Variants in NUDT3 observed in about 807,000 individuals in gnomAD.
NUDT3 encodes the protein diphosphoinositol polyphosphate phosphohydrolase 1.
In NUDT3, 9 loss-of-function variants were observed where a neutral mutation model predicts 23.6. The ratio of observed to expected loss-of-function variants is 0.38; its 90% CI spans 0.23 to 0.66. NUDT3 has a LOEUF of 0.66. Ranked by LOEUF, NUDT3 falls within the 30% of genes least tolerant of loss-of-function variation. The pLI, the probability that NUDT3 is intolerant of heterozygous loss-of-function variation, is 0.52. For synonymous variants in NUDT3, 86 were observed against 82.6 expected (o/e 1.04, Z -0.22); for missense variants, 172 against 218.5 (o/e 0.79, Z 1.34).
intron 2 of NUDT3, among the ~76,000 whole-genome samples, chr6:34,331,293 T>C (rs1255868003): frequency 2.2e-4 from 33 of 152,038 alleles, no homozygotes; most frequent in South Asian, 2.1e-4. Context: ...ACTTTCTTTT[T>C]TTTTTTTTTT....
At chr6:34,392,212 C>T (rs999142245) in intron 1 of NUDT3, 52 bp downstream of exon 1, 267 of 1,468,220 alleles carry the variant, frequency 1.8e-4, no homozygotes, top group Non-Finnish European at 2.3e-4. Context: ...GCGCCTCCAC[C>T]CGAAGGGGCC....
In NUDT3 at chr6:34,295,627, T is replaced by G. The variant is rs753112547; in HGVS notation, c.255+14A>C. The G allele has an allele frequency of 1.2e-6, 2 of 1,613,800 alleles. No individual in the cohort carries two copies. The highest frequency in any genetic ancestry group is 2.7e-5 in the African/African-American group (2 of 75,016). ...AATACATATCATTTGTACCAAAGAT[T>G]TTAACAGACTTACCTCAAAAATTCC... On this transcript the variant is annotated intron_variant, in intron 3 of 4. Coordinates refer to ENST00000607016, the MANE Select transcript of NUDT3 (RefSeq NM_006703.4).
At chr6:34,376,950 C>T (rs1430550939) in intron 1 of NUDT3, among the ~76,000 whole-genome samples, 1 of 152,134 alleles carries the variant, frequency 6.6e-6, no homozygotes, top group African/African-American at 2.4e-5. Context: ...CTCTGGCATG[C>T]AACAAACTCA....
chr6:34,369,058 T>C (rs1764787414), intron 1 of NUDT3, among the ~76,000 whole-genome samples: 1 of 152,198 alleles, frequency 6.6e-6, no homozygotes, highest in Non-Finnish European at 1.5e-5. Flanking sequence ...TCTATACTGT[T>C]TATTGGGTAC....
rs537483334 is a variant in NUDT3 at position 34,380,547 on chromosome 6, T to C, written c.99+11717A>G. On this transcript the variant is annotated intron_variant, in intron 1 of 4. Coordinates refer to ENST00000607016, the MANE Select transcript of NUDT3 (RefSeq NM_006703.4). ...TACTAATTTTTAGTGGTATATAGCA[T>C]CCATACCATGAAATGAAAAGTAGAT... Among the ~76,000 whole-genome samples, 6 of 152,264 alleles carry C rather than the reference T, an allele frequency of 3.9e-5. No homozygotes were observed. The South Asian group carries it at 1.2e-3, about 32-fold the overall frequency.
chr6:34,297,730 A>AATATAT (rs139306311), intron 2 of NUDT3, among the ~76,000 whole-genome samples: 21 of 71,980 alleles, frequency 2.9e-4, no homozygotes, highest in South Asian at 4.9e-4. Flanking sequence ...AAAAAAAAAA[A>AATATAT]ATATATATAT....
chr6:34,297,760 A>ATATATATATGTTTTTTT, intron 2 of NUDT3, among the ~76,000 whole-genome samples: 1 of 53,628 alleles, frequency 1.9e-5, no homozygotes, highest in South Asian at 6.7e-4. Flanking sequence ...TATATATATA[A>ATATATATATGTTTTTTT]TTTTTTTTTT....
chr6:34,305,229 G>A (rs1446567850), intron 2 of NUDT3, among the ~76,000 whole-genome samples: 3 of 151,956 alleles, frequency 2.0e-5, no homozygotes, highest in Non-Finnish European at 1.5e-5. Flanking sequence ...TGATCCACTC[G>A]CCTTGGCCTC....
At chr6:34,334,706 T>C (rs940656847) in intron 2 of NUDT3, among the ~76,000 whole-genome samples, 9 of 151,836 alleles carry the variant, frequency 5.9e-5, no homozygotes, top group African/African-American at 2.2e-4. Context: ...TTTGGGAAGC[T>C]GAGGGAGGAG....
chr6:34,370,085 T>C (rs1362405683), intron 1 of NUDT3, among the ~76,000 whole-genome samples: 1 of 152,212 alleles, frequency 6.6e-6, no homozygotes, highest in Non-Finnish European at 1.5e-5. Flanking sequence ...CCTCAAATAA[T>C]ATGGCAAGTT....
At chr6:34,366,051 T>TATAA (rs1240468615) in intron 1 of NUDT3, among the ~76,000 whole-genome samples, 2 of 150,272 alleles carry the variant, frequency 1.3e-5, no homozygotes, top group African/African-American at 2.4e-5. Context: ...AAAAAATATA[T>TATAA]ATAAATAAAT....
At chr6:34,329,344 G>A (rs569184904) in intron 2 of NUDT3, among the ~76,000 whole-genome samples, 1 of 152,218 alleles carries the variant, frequency 6.6e-6, no homozygotes, top group African/African-American at 2.4e-5. Flanking sequence ...GCAATGGCGC[G>A]ATCTCAGCTC....
intron 2 of NUDT3, among the ~76,000 whole-genome samples, chr6:34,338,721 C>T (rs948617669): frequency 6.6e-6 from 1 of 152,212 alleles, no homozygotes; most frequent in South Asian, 2.1e-4. Flanking sequence ...AGCTCTCTCA[C>T]AAGCCACTGG....
In NUDT3 at chr6:34,362,747, C is replaced by T. The variant is rs1211253240; in HGVS notation, c.100-20775G>A. Among the ~76,000 whole-genome samples, 4 of 152,214 alleles carry T rather than the reference C, an allele frequency of 2.6e-5. 1 individual carries two copies. Among genetic ancestry groups the T allele is most frequent in the African/African-American group, 4.8e-5 (2 of 41,542 alleles). On this transcript the variant is annotated intron_variant, in intron 1 of 4. Coordinates refer to ENST00000607016, the MANE Select transcript of NUDT3 (RefSeq NM_006703.4). The stretch of plus-strand genomic sequence containing the variant: ...CTGGGATTACAGGCGTGAGTCTCTG[C>T]GCCTGGCCCCAAGTTCTATTCATGT...
chr6:34,382,855 C>T (rs1050633445), intron 1 of NUDT3, among the ~76,000 whole-genome samples: 3 of 151,326 alleles, frequency 2.0e-5, no homozygotes, highest in Non-Finnish European at 4.4e-5. Flanking sequence ...AGGCCGGGCG[C>T]GGTGGTTCTC....
At chr6:34,367,033 C>G (rs2113756681) in intron 1 of NUDT3, among the ~76,000 whole-genome samples, 1 of 152,252 alleles carries the variant, frequency 6.6e-6, no homozygotes, top group South Asian at 2.1e-4. Flanking sequence ...GCTGGGATTA[C>G]AGGTGAGCAC....
chr6:34,380,261 A>T (rs1383330636), intron 1 of NUDT3, among the ~76,000 whole-genome samples: 1 of 151,962 alleles, frequency 6.6e-6, no homozygotes, highest in East Asian at 1.9e-4. Flanking sequence ...CATGTTGACC[A>T]AGCTGGTCTT....
intron 1 of NUDT3, among the ~76,000 whole-genome samples, chr6:34,361,472 C>T (rs1764649362): frequency 6.6e-6 from 1 of 152,160 alleles, no homozygotes; most frequent in East Asian, 1.9e-4. Flanking sequence ...TTGGCAGTTT[C>T]TTACAAAACT....
At chr6:34,371,266 C>T (rs898172351) in intron 1 of NUDT3, among the ~76,000 whole-genome samples, 3 of 151,822 alleles carry the variant, frequency 2.0e-5, no homozygotes, top group African/African-American at 4.8e-5. Context: ...GTCAAGAGAT[C>T]GAGACCATTC....
Sources: allele counts gnomAD v4.1 joint callset (sites outside exome capture counted in the v4.1 genomes callset), GRCh38; gene constraint gnomAD v4.1.1; transcripts MANE v1.5; gene names NCBI Gene and HGNC (gene_info 2026-07-23, HGNC 2026-07-21).